Variants in COL23A1 observed in about 807,000 individuals in gnomAD.
The protein encoded by COL23A1 is collagen alpha-1(XXIII) chain.
A neutral mutation model predicts 99.3 loss-of-function variants in COL23A1; 97 were observed. That is an observed-to-expected ratio of 0.98 (90% CI 0.83 to 1.16). The LOEUF is 1.16. COL23A1 is among the 50% of genes most tolerant of loss of function. The pLI is 0.00. For missense variants in COL23A1, 762 were observed against 757.4 expected, an observed-to-expected ratio of 1.01 and a Z score of -0.07; for synonymous variants, 320 against 308.2, an observed-to-expected ratio of 1.04 and a Z score of -0.40.
At position 178,460,953 on chromosome 5, in the gene COL23A1, T is replaced by G. The variant is rs1756087881; in HGVS notation, c.361+99729A>C. ...TGGGGGTCTCAGCTCATGCCCCCAT[T>G]TTTTTTAAACGTAAAGAAATAAATA... On this transcript the variant is annotated intron_variant, in intron 2 of 28. Coordinates refer to ENST00000390654, the MANE Select transcript of COL23A1 (RefSeq NM_173465.4). Among the ~76,000 whole-genome samples the G allele has an allele frequency of 4.6e-5, 7 of 152,194 alleles. No individual in the cohort carries two copies. In the South Asian group the frequency reaches 1.5e-3, roughly 32 times the overall value.
At chr5:178,278,417 G>A (rs73342834) in intron 5 of COL23A1, among the ~76,000 whole-genome samples, 1,766 of 152,302 alleles carry the variant, frequency 0.012, 36 homozygotes, top group African/African-American at 0.041. Flanking sequence ...ATAGAATTTG[G>A]ATTTCCAGCT....
chr5:178,242,434 G>A, intron 25 of COL23A1, 40 bp from the exon 26 acceptor site: 1 of 1,605,016 alleles, frequency 6.2e-7, no homozygotes. Flanking sequence ...AAATGAGGCT[G>A]GAGGTTTGCC....
rs544306767 is a variant in COL23A1, at chr5:178,457,406, G to A, written c.361+103276C>T. Among the ~76,000 whole-genome samples the A allele has an allele frequency of 2.6e-5, 4 of 152,142 alleles. No homozygotes were observed. In the East Asian group the frequency reaches 7.7e-4, roughly 29 times the overall value. On this transcript the variant is annotated intron_variant, in intron 2 of 28. Transcript: ENST00000390654. ...TTTTTTGTATTTTTAGTAGAGACGG[G>A]GTTTTGCCATGTTGGCCAGGCTGGT...
chr5:178,250,732 C>G (rs567154904), intron 17 of COL23A1, among the ~76,000 whole-genome samples: 92 of 68,030 alleles, frequency 1.4e-3, no homozygotes, highest in South Asian at 5.1e-3. Context: ...CCTGTAATCC[C>G]AGCACTCTGG....
At position 178,589,880 on chromosome 5, in the gene COL23A1, C is replaced by T. The variant is rs1209697339; in HGVS notation, c.294+24G>A. On this transcript the variant is annotated intron_variant, in intron 1 of 28. Coordinates refer to ENST00000390654, the MANE Select transcript of COL23A1 (RefSeq NM_173465.4). This position sits in a 1 kb window ranked among gnomAD's most constrained non-coding sequence, Gnocchi z 5.4. ...TCAACCCGACACACCCAAGTCCGCC[C>T]CAGCCACGCGCCAAGACGCTCACCT... The T allele has an allele frequency of 1.5e-6, 2 of 1,295,038 alleles. No individual in the cohort carries two copies. Among genetic ancestry groups the T allele is most frequent in the Middle Eastern group, 2.8e-4 (1 of 3,630 alleles). The allele number at this position is 1,295,038 out of a possible 1,614,324, so 80.2% of individuals were successfully genotyped here.
At chr5:178,364,166 G>A (rs916624824) in intron 2 of COL23A1, among the ~76,000 whole-genome samples, 11 of 152,100 alleles carry the variant, frequency 7.2e-5, no homozygotes, top group Admixed American at 3.9e-4. Flanking sequence ...GCACATTTCC[G>A]CCTGTTGGTT....
chr5:178,460,987 T>A (rs947910616), intron 2 of COL23A1, among the ~76,000 whole-genome samples: 1 of 151,856 alleles, frequency 6.6e-6, no homozygotes, highest in African/African-American at 2.4e-5. Flanking sequence ...TAGCATAAAC[T>A]CCCATGGGAA....
chr5:178,274,531 C>G (rs1160191980), intron 5 of COL23A1, among the ~76,000 whole-genome samples: 1 of 151,728 alleles, frequency 6.6e-6, no homozygotes, highest in African/African-American at 2.4e-5. Context: ...AAGGGCAGAG[C>G]CCCAGACTGG....
intron 2 of COL23A1, among the ~76,000 whole-genome samples, chr5:178,397,857 C>T (rs188114689): frequency 1.4e-4 from 21 of 152,260 alleles, no homozygotes; most frequent in Admixed American, 1.2e-3. Flanking sequence ...TGTGGTGACA[C>T]GTGCCTGTAG....
At chr5:178,403,137 A>AAAAAAAAAAAAAAAAAAAAAAAAAAAAC (rs1561940793) in intron 2 of COL23A1, among the ~76,000 whole-genome samples, 1 of 137,060 alleles carries the variant, frequency 7.3e-6, no homozygotes, top group Non-Finnish European at 1.5e-5. Context: ...TAAATAAAAA[A>AAAAAAAAAAAAAAAAAAAAAAAAAAAAC]TAAATACCAT....
At chr5:178,337,959 T>C (rs1023201615) in intron 2 of COL23A1, among the ~76,000 whole-genome samples, 2 of 152,198 alleles carry the variant, frequency 1.3e-5, no homozygotes, top group African/African-American at 2.4e-5. Context: ...TGCCAGGCAC[T>C]GTGTTTTGCG....
chr5:178,500,783 C>CT (rs1758484317), intron 2 of COL23A1, among the ~76,000 whole-genome samples: 1 of 151,896 alleles, frequency 6.6e-6, no homozygotes. Flanking sequence ...TCTCTCTAAA[C>CT]TTGGAGTAAG....
intron 22 of COL23A1, 135 bp downstream of exon 22, chr5:178,247,391 A>T (rs1461865916): frequency 3.0e-5 from 29 of 954,296 alleles, no homozygotes; most frequent in Non-Finnish European, 4.5e-5. Flanking sequence ...GGGACTTGGG[A>T]CGTTCAGGCG....
At chr5:178,458,864 A>T (rs1755951643) in intron 2 of COL23A1, among the ~76,000 whole-genome samples, 1 of 151,764 alleles carries the variant, frequency 6.6e-6, no homozygotes, top group African/African-American at 2.4e-5. Context: ...CCCAAAACCA[A>T]ACCTGAAGCT....
chr5:178,550,594 A>G lies in COL23A1; in HGVS notation c.361+10088T>C, dbSNP rs540603646. On this transcript the variant is annotated intron_variant, in intron 2 of 28. Transcript: ENST00000390654. ...TGATGTATCGTATTTTTGTCTAGCCAGCCATGGTTGTATTTTTTACATTTA... is the reference window on the plus strand; with the variant it reads ...TGATGTATCGTATTTTTGTCTAGCCGGCCATGGTTGTATTTTTTACATTTA... Among the ~76,000 whole-genome samples, 13 of 152,326 alleles carry G rather than the reference A, an allele frequency of 8.5e-5. 1 individual carries two copies. The South Asian group carries it at 2.7e-3, about 32-fold the overall frequency.
chr5:178,472,656 C>T (rs1756819453), intron 2 of COL23A1, among the ~76,000 whole-genome samples: 1 of 152,084 alleles, frequency 6.6e-6, no homozygotes, highest in Admixed American at 6.6e-5. Flanking sequence ...TTAGTATTCC[C>T]ATTTTGTAGA....
intron 2 of COL23A1, among the ~76,000 whole-genome samples, chr5:178,381,347 C>T (rs189002626): frequency 7.9e-5 from 12 of 152,296 alleles, no homozygotes; most frequent in African/African-American, 2.9e-4. Context: ...CAGGGGAAGG[C>T]CAGCAAGTAC....
At chr5:178,534,734 G>A (rs1006761937) in intron 2 of COL23A1, among the ~76,000 whole-genome samples, 7 of 151,862 alleles carry the variant, frequency 4.6e-5, no homozygotes, top group African/African-American at 1.5e-4. Flanking sequence ...AGCCAAGATC[G>A]TGCCACTGCA....
intron 2 of COL23A1, among the ~76,000 whole-genome samples, chr5:178,317,729 C>G (rs548018041): frequency 1.1e-4 from 16 of 152,230 alleles, no homozygotes; most frequent in African/African-American, 3.9e-4. Flanking sequence ...GCGTATTAGC[C>G]AGTTCTCATG....
Sources: allele counts gnomAD v4.1 joint callset (sites outside exome capture counted in the v4.1 genomes callset), GRCh38; gene constraint gnomAD v4.1.1; non-coding constraint Gnocchi (gnomAD v3.1); transcripts MANE v1.5; gene names NCBI Gene and HGNC (gene_info 2026-07-23, HGNC 2026-07-21).